Variants in CPQ observed in about 807,000 individuals in gnomAD.
CPQ encodes the protein carboxypeptidase Q.
CPQ carries 37 observed loss-of-function variants against 45.7 expected under a neutral mutation model. That is an observed-to-expected ratio of 0.81 (90% CI 0.62 to 1.07). The LOEUF (loss-of-function observed/expected upper bound fraction) is 1.07, where lower values mean the gene tolerates loss of function less well. CPQ is among the 50% of genes least tolerant of loss of function. The probability of loss-of-function intolerance (pLI) is 0.00; values close to 1 mark genes in which losing one functional copy is unlikely to be tolerated. For synonymous variants in CPQ, 186 were observed against 205.8 expected, an observed-to-expected ratio of 0.90 and a Z score of 0.82; for missense variants, 537 against 572.9, an observed-to-expected ratio of 0.94 and a Z score of 0.64.
intron 4 of CPQ, among the ~76,000 whole-genome samples, chr8:96,902,403 G>A (rs765276621): frequency 2.0e-5 from 3 of 152,108 alleles, no homozygotes; most frequent in African/African-American, 4.8e-5. Context: ...TTCAAACCTC[G>A]ATAGACTTTT....
At chr8:96,703,661 A>C (rs1473063124) in intron 1 of CPQ, among the ~76,000 whole-genome samples, 1 of 152,160 alleles carries the variant, frequency 6.6e-6, no homozygotes, top group African/African-American at 2.4e-5. Context: ...GGAATTTTGC[A>C]TAGTTTATTT....
chr8:96,872,900 A>T (rs1213103242), intron 3 of CPQ, among the ~76,000 whole-genome samples: 2 of 151,936 alleles, frequency 1.3e-5, no homozygotes, highest in Non-Finnish European at 1.5e-5. Context: ...TTTATTTCAC[A>T]GGCACTTACC....
At chr8:97,126,785 C>T (rs1160546778) in intron 7 of CPQ, among the ~76,000 whole-genome samples, 1 of 152,032 alleles carries the variant, frequency 6.6e-6, no homozygotes, top group Non-Finnish European at 1.5e-5. Context: ...ATTTCAAAAA[C>T]TTTCATCTAC....
At chr8:96,684,533 A>G (rs900323419) in intron 1 of CPQ, among the ~76,000 whole-genome samples, 2 of 152,108 alleles carry the variant, frequency 1.3e-5, no homozygotes, top group South Asian at 2.1e-4. Flanking sequence ...CTCGGGTGCA[A>G]GCAATCATGG....
rs145219296 is a variant in CPQ at position 96,780,754 on chromosome 8, G to T, written c.-34-4110G>T. Among the ~76,000 whole-genome samples the T allele has an allele frequency of 4.4e-3, 655 of 147,548 alleles. 4 individuals carry two copies. The highest frequency in any genetic ancestry group is 0.024 in the South Asian group (113 of 4,690). On this transcript the variant is annotated intron_variant, in intron 1 of 7. Transcript: ENST00000220763. ...GGACTGGATCTTGCTATATTGCCCA[G>T]GCTGGTCTTCCTGCCTCAGTCTCCC...
intron 3 of CPQ, among the ~76,000 whole-genome samples, chr8:96,844,813 C>G (rs185107072): frequency 1.3e-5 from 2 of 152,154 alleles, no homozygotes; most frequent in African/African-American, 4.8e-5. Flanking sequence ...GTTTATCTCC[C>G]GATTTCGGGA....
At position 97,032,736 on chromosome 8, in the gene CPQ, G is replaced by A. The variant is rs74776934; in HGVS notation, c.1053+3242G>A. ...ACCACTACCAGGATGCCTTTGTCTA[G>A]CAACACACAAAAAGAAAAGGAGTCA... On this transcript the variant is annotated intron_variant, in intron 6 of 7. Coordinates refer to ENST00000220763, the MANE Select transcript of CPQ (RefSeq NM_016134.4). 7.0e-3 allele frequency among the ~76,000 whole-genome samples: 1,066 copies of A among 152,254 alleles called. 13 individuals carry two copies. The highest frequency in any genetic ancestry group is 0.024 in the African/African-American group (1,004 of 41,538).
At chr8:96,683,761 G>T (rs1809184962) in intron 1 of CPQ, among the ~76,000 whole-genome samples, 1 of 67,618 alleles carries the variant, frequency 1.5e-5, no homozygotes. Context: ...GTCTGACTGA[G>T]TTATTAAAAA....
intron 4 of CPQ, among the ~76,000 whole-genome samples, chr8:96,959,712 A>AT (rs1813420266): frequency 6.6e-6 from 1 of 151,298 alleles, no homozygotes. Context: ...GGTACATCAT[A>AT]TTTTTTCAAC....
intron 2 of CPQ, among the ~76,000 whole-genome samples, chr8:96,816,568 A>G (rs879207090): frequency 3.3e-5 from 5 of 152,138 alleles, no homozygotes; most frequent in Admixed American, 3.3e-4. Flanking sequence ...TCTTTTCCAG[A>G]AGGTTGTTGA....
At chr8:96,737,610 G>C (rs142049763) in intron 1 of CPQ, among the ~76,000 whole-genome samples, 1,740 of 152,080 alleles carry the variant, frequency 0.011, 15 homozygotes, top group Non-Finnish European at 0.017. Context: ...GTGCCCACCA[G>C]ATTAAGGGTG....
chr8:96,995,636 C>T (rs1210326259), intron 5 of CPQ, among the ~76,000 whole-genome samples: 1 of 149,116 alleles, frequency 6.7e-6, no homozygotes. Flanking sequence ...AAGATCTGAG[C>T]TGAAATTTAG....
chr8:96,669,825 G>A (rs932104127), intron 1 of CPQ, among the ~76,000 whole-genome samples: 1 of 152,146 alleles, frequency 6.6e-6, no homozygotes, highest in African/African-American at 2.4e-5. Context: ...TGTTAATCAT[G>A]GTAGTTATGT....
At chr8:96,720,244 A>G (rs1809744902) in intron 1 of CPQ, among the ~76,000 whole-genome samples, 1 of 152,168 alleles carries the variant, frequency 6.6e-6, no homozygotes, top group Admixed American at 6.5e-5. Flanking sequence ...CACTTGCGGC[A>G]TCTTGGGATT....
intron 6 of CPQ, among the ~76,000 whole-genome samples, chr8:97,048,167 A>C (rs553074494): frequency 6.8e-4 from 104 of 152,204 alleles, no homozygotes; most frequent in Non-Finnish European, 1.1e-3. Flanking sequence ...AGACAATGAG[A>C]ATATTCCTGG....
chr8:97,019,398 G>A (rs1004329168), intron 5 of CPQ, among the ~76,000 whole-genome samples: 11 of 152,312 alleles, frequency 7.2e-5, no homozygotes, highest in African/African-American at 2.4e-4. Context: ...AATGATGAAT[G>A]TAAATGGCCT....
chr8:96,875,276 G>A (rs1305610680), intron 3 of CPQ, among the ~76,000 whole-genome samples: 1 of 151,786 alleles, frequency 6.6e-6, no homozygotes, highest in African/African-American at 2.4e-5. Context: ...TCTATGGGTT[G>A]CCTTTTTACT....
intron 3 of CPQ, among the ~76,000 whole-genome samples, chr8:96,842,054 A>G (rs886560051): frequency 6.6e-6 from 1 of 152,216 alleles, no homozygotes; most frequent in Non-Finnish European, 1.5e-5. Flanking sequence ...GAGATTTCAC[A>G]TGAACATTTT....
At chr8:97,036,372 A>G (rs1215646357) in intron 6 of CPQ, among the ~76,000 whole-genome samples, 1 of 152,232 alleles carries the variant, frequency 6.6e-6, no homozygotes, top group Non-Finnish European at 1.5e-5. Flanking sequence ...TTTTTTAAAA[A>G]TATGAACTCT....
Sources: gnomAD v4.1 joint callset for allele counts (sites outside exome capture counted in the v4.1 genomes callset) on GRCh38, gnomAD v4.1.1 for gene constraint, MANE v1.5 for transcripts, NCBI Gene and HGNC (gene_info 2026-07-23, HGNC 2026-07-21) for gene names.